Variants in CACHD1 observed in about 807,000 individuals in gnomAD.
The protein encoded by CACHD1 is cache domain containing 1, also known as VWFA and cache domain-containing protein 1.
A neutral mutation model predicts 138.7 loss-of-function variants in CACHD1; 71 were observed. The observed-to-expected ratio is 0.51, with a 90% CI of 0.42 to 0.62. The LOEUF is 0.62. CACHD1 is among the 20% of genes least tolerant of loss of function. CACHD1 has a pLI of 0.00. For synonymous variants in CACHD1, 578 were observed against 591.5 expected (o/e 0.98, Z 0.33); for missense variants, 1,389 against 1,625.3 (o/e 0.85, Z 2.50).
At chr1:64,509,188 C>T (rs1248196656) in intron 1 of CACHD1, among the ~76,000 whole-genome samples, 4 of 152,140 alleles carry the variant, frequency 2.6e-5, no homozygotes, top group African/African-American at 9.7e-5. Context: ...GTTGGGGCTG[C>T]TCATCTCTTT....
intron 1 of CACHD1, among the ~76,000 whole-genome samples, chr1:64,480,681 T>A (rs1646204680): frequency 6.6e-6 from 1 of 152,054 alleles, no homozygotes; most frequent in Non-Finnish European, 1.5e-5. Context: ...TTTTTTTATT[T>A]TTTTTTTTAC....
intron 2 of CACHD1, among the ~76,000 whole-genome samples, chr1:64,579,294 G>A (rs1646993403): frequency 6.6e-6 from 1 of 152,150 alleles, no homozygotes; most frequent in Admixed American, 6.5e-5. Flanking sequence ...GGACCAGATT[G>A]GAATATCTTG....
At chr1:64,597,659 A>G (rs1403012510) in intron 3 of CACHD1, among the ~76,000 whole-genome samples, 2 of 151,638 alleles carry the variant, frequency 1.3e-5, no homozygotes, top group Non-Finnish European at 2.9e-5. Flanking sequence ...GTCAGGGTCT[A>G]AAGGAGATTT....
At chr1:64,565,254 T>G (rs1476157045) in intron 2 of CACHD1, among the ~76,000 whole-genome samples, 6 of 151,906 alleles carry the variant, frequency 3.9e-5, no homozygotes, top group Non-Finnish European at 8.8e-5. Flanking sequence ...TGGGTCCTGG[T>G]TTAGTTCACC....
At chr1:64,492,325 C>T (rs1462920609) in intron 1 of CACHD1, among the ~76,000 whole-genome samples, 1 of 143,780 alleles carries the variant, frequency 7.0e-6, no homozygotes, top group Non-Finnish European at 1.5e-5. Flanking sequence ...ACTTGTATAA[C>T]TTGAGAAAAA....
Position 64,602,615 on chromosome 1 carries a change from A to C in CACHD1, c.411-191A>C, listed in dbSNP as rs576291974. On this transcript the variant is annotated intron_variant, in intron 3 of 26. Transcript: ENST00000651257. ...ATCTTTGAATTGAATTTGATTTCTA[A>C]AACCTTCTAGAGGCAGGTGTTCCCC... is the stretch of plus-strand genomic sequence containing the variant. Among the ~76,000 whole-genome samples the C allele has an allele frequency of 7.9e-5, 12 of 152,214 alleles. No individual in the cohort carries two copies. In the East Asian group the frequency reaches 2.3e-3, roughly 29 times the overall value.
At chr1:64,549,725 C>T (rs1461630636) in intron 1 of CACHD1, among the ~76,000 whole-genome samples, 1 of 151,910 alleles carries the variant, frequency 6.6e-6, no homozygotes, top group Non-Finnish European at 1.5e-5. Context: ...GGTCTGACTC[C>T]TTACTCATCT....
intron 8 of CACHD1, among the ~76,000 whole-genome samples, chr1:64,644,863 CG>C (rs2100666512): frequency 6.6e-6 from 1 of 152,284 alleles, no homozygotes; most frequent in South Asian, 2.1e-4. Flanking sequence ...TTTGGGATGC[CG>C]AGGCAGGCGG....
At chr1:64,643,431 GTT>G in intron 8 of CACHD1, among the ~76,000 whole-genome samples, 1 of 152,210 alleles carries the variant, frequency 6.6e-6, no homozygotes, top group Non-Finnish European at 1.5e-5. Flanking sequence ...TTAGACTGCA[GTT>G]TTAGCTGTGA....
chr1:64,643,786 C>A (rs572530396), intron 8 of CACHD1, among the ~76,000 whole-genome samples: 3 of 152,052 alleles, frequency 2.0e-5, no homozygotes, highest in Non-Finnish European at 4.4e-5. Flanking sequence ...TGCAGTGAGC[C>A]GAGATTGCAC....
At chr1:64,575,694 A>G (rs1341876096) in intron 2 of CACHD1, among the ~76,000 whole-genome samples, 1 of 152,140 alleles carries the variant, frequency 6.6e-6, no homozygotes, top group African/African-American at 2.4e-5. Context: ...TGTCAGCTTC[A>G]TTGTTACGTA....
intron 4 of CACHD1, among the ~76,000 whole-genome samples, chr1:64,610,115 T>C (rs558445711): frequency 5.7e-4 from 87 of 152,302 alleles, no homozygotes; most frequent in Middle Eastern, 3.4e-3. Context: ...AAGAACAGCA[T>C]GAAGGTAACC....
chr1:64,510,959 G>A (rs1646415875), intron 1 of CACHD1, among the ~76,000 whole-genome samples: 1 of 152,222 alleles, frequency 6.6e-6, no homozygotes, highest in African/African-American at 2.4e-5. Context: ...GGAATTTAGA[G>A]TGTCAAAGGC....
intron 8 of CACHD1, 25 bp from the exon 9 acceptor site, chr1:64,647,776 G>T: frequency 6.2e-7 from 1 of 1,606,130 alleles, no homozygotes; most frequent in Non-Finnish European, 8.5e-7. Context: ...GCTTTCCGTG[G>T]TCTTCTCTCG....
chr1:64,575,224 T>C (rs917341053), intron 2 of CACHD1, among the ~76,000 whole-genome samples: 1 of 152,216 alleles, frequency 6.6e-6, no homozygotes, highest in African/African-American at 2.4e-5. Context: ...GAGGAACTGA[T>C]GCTAAGGGAA....
chr1:64,635,069 G>T (rs1480586624), intron 7 of CACHD1, among the ~76,000 whole-genome samples: 1 of 151,416 alleles, frequency 6.6e-6, no homozygotes, highest in African/African-American at 2.4e-5. Context: ...TAATTATAGA[G>T]TGTTAACTGC....
Position 64,470,691 on chromosome 1 carries a change from G to A in CACHD1, c.-54G>A. The A allele has an allele frequency of 1.5e-5, 7 of 472,230 alleles. No homozygotes were observed. The highest frequency in any genetic ancestry group is 1.5e-5 in the Non-Finnish European group (4 of 272,678). 29.3% of individuals were successfully genotyped at this position (472,230 alleles called of 1,614,324 possible). ...CGCGCTTTTGCGGGGGGCACCTCCCGCGGCCCGCTTCCCCGCGCCCGGAGC... is the reference window on the plus strand; with the variant it reads ...CGCGCTTTTGCGGGGGGCACCTCCCACGGCCCGCTTCCCCGCGCCCGGAGC... On this transcript the variant is annotated 5_prime_UTR_variant, in exon 1 of 27. Transcript: ENST00000651257. The surrounding 1 kb of genome is among the most constrained non-coding windows in gnomAD (Gnocchi z 5.2).
At chr1:64,631,764 A>G (rs1648312066) in intron 5 of CACHD1, among the ~76,000 whole-genome samples, 1 of 152,056 alleles carries the variant, frequency 6.6e-6, no homozygotes, top group Non-Finnish European at 1.5e-5. Flanking sequence ...GGCTGCCCCC[A>G]ACCCCCTTTT....
At chr1:64,547,605 G>T (rs1188075302) in intron 1 of CACHD1, among the ~76,000 whole-genome samples, 3 of 152,148 alleles carry the variant, frequency 2.0e-5, no homozygotes, top group Non-Finnish European at 4.4e-5. Context: ...GACCTCAGGT[G>T]ATCTGCCCAC....
Sources: gnomAD v4.1 joint callset for allele counts (sites outside exome capture counted in the v4.1 genomes callset) on GRCh38, gnomAD v4.1.1 for gene constraint, Gnocchi (gnomAD v3.1) non-coding constraint, MANE v1.5 for transcripts, NCBI Gene and HGNC (gene_info 2026-07-23, HGNC 2026-07-21) for gene names.